The following KIAA1217 variants were observed in gnomAD, a reference collection of about 807,000 sequenced individuals.
The protein encoded by KIAA1217 is KIAA1217, also known as sickle tail protein homolog.
Under a neutral mutation model 163.9 loss-of-function variants are expected in KIAA1217, and 88 were observed. The ratio of observed to expected loss-of-function variants is 0.54; its 90% CI spans 0.45 to 0.64. The LOEUF (loss-of-function observed/expected upper bound fraction) is 0.64. Ranked by LOEUF, KIAA1217 falls within the 30% of genes least tolerant of loss-of-function variation. KIAA1217 has a pLI of 0.00. For missense variants in KIAA1217, 2,372 were observed against 2,475.0 expected, an observed-to-expected ratio of 0.96 and a Z score of 0.88; for synonymous variants, 903 against 923.1, an observed-to-expected ratio of 0.98 and a Z score of 0.39.
intron 2 of KIAA1217, among the ~76,000 whole-genome samples, chr10:24,271,456 GAA>G (rs2076760714): frequency 6.6e-6 from 1 of 152,144 alleles, no homozygotes; most frequent in Non-Finnish European, 1.5e-5. Flanking sequence ...CTAAAGGAAA[GAA>G]GAGTAGGAAT....
chr10:24,535,919 T>C (rs1397188480), intron 16 of KIAA1217, among the ~76,000 whole-genome samples: 1 of 152,202 alleles, frequency 6.6e-6, no homozygotes, highest in Non-Finnish European at 1.5e-5. Context: ...CAAGAGTATT[T>C]GAGAACAACA....
intron 2 of KIAA1217, among the ~76,000 whole-genome samples, chr10:24,227,895 G>C (rs7911597): frequency 0.013 from 1,967 of 152,244 alleles, 31 homozygotes; most frequent in African/African-American, 0.038. Flanking sequence ...TCTCCCATCA[G>C]ACCAGGGCTT....
At chr10:23,875,370 G>A (rs992625937) in intron 1 of KIAA1217, among the ~76,000 whole-genome samples, 11 of 151,988 alleles carry the variant, frequency 7.2e-5, no homozygotes, top group Non-Finnish European at 1.0e-4. Flanking sequence ...TTTTATAGGT[G>A]CAGAATATAA....
chr10:23,760,071 G>C (rs376641889), intron 1 of KIAA1217, among the ~76,000 whole-genome samples: 1 of 152,236 alleles, frequency 6.6e-6, no homozygotes, highest in African/African-American at 2.4e-5. Context: ...CTCCCTTCTT[G>C]GGTTTAGGGA....
intron 1 of KIAA1217, among the ~76,000 whole-genome samples, chr10:23,914,755 G>A (rs965470169): frequency 6.6e-6 from 1 of 152,156 alleles, no homozygotes; most frequent in Non-Finnish European, 1.5e-5. Flanking sequence ...GCAACACCCA[G>A]TGCTTAGGTC....
At chr10:24,154,314 C>T (rs1368182991) in intron 2 of KIAA1217, among the ~76,000 whole-genome samples, 1 of 151,760 alleles carries the variant, frequency 6.6e-6, no homozygotes, top group East Asian at 2.0e-4. Flanking sequence ...TGTGTCCCAG[C>T]TTCTCAGGAG....
chr10:23,735,734 C>T (rs958622265), intron 1 of KIAA1217, among the ~76,000 whole-genome samples: 4 of 151,880 alleles, frequency 2.6e-5, no homozygotes, highest in Non-Finnish European at 5.9e-5. Context: ...CAGTTTTTGG[C>T]TTATCTTTTC....
At chr10:23,790,349 G>A (rs868395456) in intron 1 of KIAA1217, among the ~76,000 whole-genome samples, 1 of 84,254 alleles carries the variant, frequency 1.2e-5, no homozygotes, top group Admixed American at 1.2e-4. Flanking sequence ...ATATACATAT[G>A]CATATATGCA....
chr10:24,488,025 A>G (rs777668707), intron 6 of KIAA1217, among the ~76,000 whole-genome samples: 2 of 152,240 alleles, frequency 1.3e-5, no homozygotes, highest in African/African-American at 2.4e-5. Context: ...GAGACTGTTC[A>G]GACAGTATCG....
intron 2 of KIAA1217, among the ~76,000 whole-genome samples, chr10:24,113,185 G>A (rs749120681): frequency 8.5e-5 from 13 of 152,104 alleles, no homozygotes; most frequent in African/African-American, 2.7e-4. Flanking sequence ...ATATTCTACC[G>A]GTCACACAGG....
intron 2 of KIAA1217, among the ~76,000 whole-genome samples, chr10:24,142,825 T>C (rs905293334): frequency 6.6e-6 from 1 of 152,044 alleles, no homozygotes; most frequent in Non-Finnish European, 1.5e-5. Context: ...AAAAAGTGAC[T>C]GAAAGACAAA....
chr10:24,503,563 C>T (rs1175415297), intron 9 of KIAA1217, among the ~76,000 whole-genome samples: 1 of 152,198 alleles, frequency 6.6e-6, no homozygotes, highest in Non-Finnish European at 1.5e-5. Flanking sequence ...AGTAGCCACT[C>T]AGTTCCAACT....
At chr10:24,135,668 G>A (rs1219355879) in intron 2 of KIAA1217, among the ~76,000 whole-genome samples, 1 of 152,074 alleles carries the variant, frequency 6.6e-6, no homozygotes, top group Non-Finnish European at 1.5e-5. Flanking sequence ...TGAGCAAGGG[G>A]TGGGACATTC....
intron 3 of KIAA1217, among the ~76,000 whole-genome samples, chr10:24,417,945 CTCTTT>C (rs1353465456): frequency 6.6e-6 from 1 of 151,040 alleles, no homozygotes; most frequent in Non-Finnish European, 1.5e-5. Context: ...ATCTCCTCTC[CTCTTT>C]TCTTTTTTCT....
intron 5 of KIAA1217, among the ~76,000 whole-genome samples, chr10:24,464,372 G>GAGA (rs758018239): frequency 5.4e-4 from 82 of 152,310 alleles, no homozygotes; most frequent in Middle Eastern, 6.8e-3. Flanking sequence ...GAAGAGAAGG[G>GAGA]AGAGGTAAAC....
At chr10:23,947,315 T>G (rs953668198) in intron 1 of KIAA1217, among the ~76,000 whole-genome samples, 6 of 152,212 alleles carry the variant, frequency 3.9e-5, no homozygotes, top group Non-Finnish European at 1.5e-5. Context: ...ATAAAAAGCT[T>G]CCAAAGAACC....
intron 1 of KIAA1217, among the ~76,000 whole-genome samples, chr10:23,979,906 C>T (rs7914012): frequency 0.2 from 30,799 of 151,934 alleles, 3,399 homozygotes; most frequent in Middle Eastern, 0.27. Flanking sequence ...TGCTCTGCTT[C>T]CTGGAAGATT....
At chr10:23,702,696 C>CAG (rs1258008872) in intron 1 of KIAA1217, among the ~76,000 whole-genome samples, 1 of 151,368 alleles carries the variant, frequency 6.6e-6, no homozygotes, top group African/African-American at 2.4e-5. Context: ...CACACACACA[C>CAG]ACACACACAC....
intron 2 of KIAA1217, among the ~76,000 whole-genome samples, chr10:24,036,914 A>G (rs1195920452): frequency 1.3e-5 from 2 of 152,190 alleles, no homozygotes; most frequent in Non-Finnish European, 2.9e-5. Flanking sequence ...ATTTTTAAGC[A>G]GGGAGAAAAC....
Sources: allele counts gnomAD v4.1 joint callset (sites outside exome capture counted in the v4.1 genomes callset), GRCh38; gene constraint gnomAD v4.1.1; transcripts MANE v1.5; gene names NCBI Gene and HGNC (gene_info 2026-07-23, HGNC 2026-07-21).